The following TRPM3 variants were observed in gnomAD, a reference collection of about 807,000 sequenced individuals.
TRPM3 encodes the protein transient receptor potential cation channel subfamily M member 3.
Under a neutral mutation model 181.2 loss-of-function variants are expected in TRPM3, and 77 were observed. The observed-to-expected ratio is 0.42, with a 90% CI of 0.35 to 0.51. The LOEUF is 0.51. TRPM3 is among the 20% of genes least tolerant of loss of function. The pLI is 0.01. For missense variants in TRPM3, 1,759 were observed against 2,196.7 expected (o/e 0.80, Z 3.98); for synonymous variants, 745 against 796.4 (o/e 0.94, Z 1.09).
intron 20 of TRPM3, among the ~76,000 whole-genome samples, chr9:70,601,672 G>C (rs1309867696): frequency 6.6e-6 from 1 of 152,144 alleles, no homozygotes; most frequent in African/African-American, 2.4e-5. Context: ...AGCCTCCAAA[G>C]CCCTGCCCTC....
intron 1 of TRPM3, among the ~76,000 whole-genome samples, chr9:71,134,898 C>T (rs2074669738): frequency 1.3e-5 from 2 of 152,126 alleles, no homozygotes; most frequent in Non-Finnish European, 2.9e-5. Flanking sequence ...CCACCTGGTA[C>T]TAAATCAGTT....
At chr9:71,021,569 A>G (rs1228823091) in intron 1 of TRPM3, among the ~76,000 whole-genome samples, 4 of 152,234 alleles carry the variant, frequency 2.6e-5, no homozygotes. Context: ...AAAATCTAGT[A>G]ATGTCTATTG....
intron 1 of TRPM3, among the ~76,000 whole-genome samples, chr9:71,320,838 A>G (rs10781013): frequency 0.49 from 74,939 of 151,916 alleles, 21,201 homozygotes; most frequent in East Asian, 0.77. Flanking sequence ...CCAACGAGAA[A>G]GTGTTGATCT....
intron 6 of TRPM3, among the ~76,000 whole-genome samples, chr9:70,785,093 T>C (rs563790830): frequency 6.6e-6 from 1 of 152,224 alleles, no homozygotes; most frequent in African/African-American, 2.4e-5. Flanking sequence ...AGATATGGTA[T>C]CTGCCATCTG....
chr9:71,031,456 C>T (rs1048081726), intron 1 of TRPM3, among the ~76,000 whole-genome samples: 7 of 152,048 alleles, frequency 4.6e-5, no homozygotes, highest in Admixed American at 2.0e-4. Context: ...AGGTTGCTAT[C>T]GAGAATGGAG....
chr9:71,263,976 G>T (rs1383167189), intron 1 of TRPM3, among the ~76,000 whole-genome samples: 2 of 152,094 alleles, frequency 1.3e-5, no homozygotes, highest in African/African-American at 2.4e-5. Context: ...TAGAGACAAG[G>T]TCTCACTATG....
chr9:71,008,679 C>G (rs1171863861), intron 1 of TRPM3, among the ~76,000 whole-genome samples: 1 of 152,116 alleles, frequency 6.6e-6, no homozygotes, highest in Non-Finnish European at 1.5e-5. Context: ...CCTGTCTCTA[C>G]TAAAAATACA....
At chr9:71,224,828 G>A (rs2080482695) in intron 1 of TRPM3, among the ~76,000 whole-genome samples, 1 of 151,852 alleles carries the variant, frequency 6.6e-6, no homozygotes. Context: ...GCATACTGAA[G>A]AATGCATCAG....
At chr9:70,766,995 C>T (rs2079264068) in intron 7 of TRPM3, among the ~76,000 whole-genome samples, 3 of 152,220 alleles carry the variant, frequency 2.0e-5, no homozygotes. Context: ...GTGCCTGACA[C>T]ATAGCAAGTC....
intron 1 of TRPM3, among the ~76,000 whole-genome samples, chr9:71,022,784 A>G (rs1042452781): frequency 6.6e-6 from 1 of 152,232 alleles, no homozygotes; most frequent in African/African-American, 2.4e-5. Context: ...ATGTACACCT[A>G]TGTAACATAC....
At chr9:71,150,159 A>G (rs539477897) in intron 1 of TRPM3, among the ~76,000 whole-genome samples, 1 of 152,268 alleles carries the variant, frequency 6.6e-6, no homozygotes, top group East Asian at 1.9e-4. Context: ...ATTTTTAAAA[A>G]TAGGATAAAT....
chr9:70,921,004 TA>T (rs541460248), intron 1 of TRPM3, among the ~76,000 whole-genome samples: 157 of 152,330 alleles, frequency 1.0e-3, no homozygotes, highest in African/African-American at 3.6e-3. Context: ...TTTTTTACTC[TA>T]AAACTTCCTA....
intron 5 of TRPM3, among the ~76,000 whole-genome samples, chr9:70,835,329 A>G (rs1043421078): frequency 5.9e-5 from 9 of 152,096 alleles, no homozygotes; most frequent in African/African-American, 2.2e-4. Context: ...TTTTTACGTA[A>G]CAATAGCTAA....
chr9:70,571,681 G>A (rs973511364), intron 22 of TRPM3, among the ~76,000 whole-genome samples: 9 of 152,112 alleles, frequency 5.9e-5, no homozygotes, highest in Non-Finnish European at 1.5e-5. Context: ...ATCCTATCTT[G>A]TAGGATTGTT....
At chr9:71,367,312 T>C (rs2132766273) in intron 1 of TRPM3, among the ~76,000 whole-genome samples, 1 of 152,170 alleles carries the variant, frequency 6.6e-6, no homozygotes. Flanking sequence ...TAATAACAGC[T>C]GACCACCCTG....
At chr9:71,233,397 C>A (rs12115557) in intron 1 of TRPM3, among the ~76,000 whole-genome samples, 1 of 152,044 alleles carries the variant, frequency 6.6e-6, no homozygotes, top group African/African-American at 2.4e-5. Context: ...CAGTCAAAAT[C>A]TGCTTTAAAA....
chr9:71,045,445 T>A (rs1450777531), intron 1 of TRPM3, among the ~76,000 whole-genome samples: 2 of 152,214 alleles, frequency 1.3e-5, no homozygotes, highest in East Asian at 3.8e-4. Context: ...AGACAGATAC[T>A]GTGCTGGCCT....
At chr9:71,243,602 T>C (rs1488969558) in intron 1 of TRPM3, among the ~76,000 whole-genome samples, 1 of 152,248 alleles carries the variant, frequency 6.6e-6, no homozygotes, top group African/African-American at 2.4e-5. Flanking sequence ...TGCTTATGCA[T>C]TGTAAGTACT....
chr9:71,202,736 A>C (rs1206243659), intron 1 of TRPM3, among the ~76,000 whole-genome samples: 1 of 152,158 alleles, frequency 6.6e-6, no homozygotes, highest in African/African-American at 2.4e-5. Context: ...GCCAGGCTGC[A>C]CAGGTCTGAA....
Sources: gnomAD v4.1 joint callset for allele counts (sites outside exome capture counted in the v4.1 genomes callset) on GRCh38, gnomAD v4.1.1 for gene constraint, MANE v1.5 for transcripts, NCBI Gene and HGNC (gene_info 2026-07-23, HGNC 2026-07-21) for gene names.